Variants in UBAC1 observed in about 807,000 individuals in gnomAD.
The protein encoded by UBAC1 is ubiquitin-associated domain-containing protein 1.
A neutral mutation model predicts 45.9 loss-of-function variants in UBAC1; 27 were observed. The observed-to-expected ratio is 0.59, with a 90% CI of 0.43 to 0.81. UBAC1 has a LOEUF of 0.81. Ranked by LOEUF, UBAC1 falls within the 30% of genes least tolerant of loss-of-function variation. The pLI is 0.00. For missense variants in UBAC1, 529 were observed against 539.2 expected, an observed-to-expected ratio of 0.98 and a Z score of 0.19; for synonymous variants, 227 against 215.5, an observed-to-expected ratio of 1.05 and a Z score of -0.47.
rs1363129081 is a variant in UBAC1, at chr9:135,933,450, G to A, written c.1168C>T (p.Pro390Ser). The change falls in exon 10 of 10, where the codon CCT (proline) becomes TCT (serine). Residue 390 changes from proline to serine, a missense_variant. Pro to Ser is a moderately conservative substitution (Grantham distance 74, BLOSUM62 -1). Transcript: ENST00000371756. Reference sequence around the variant, plus strand: ...ATTCTAGAGATCTGCAGCATGACAGGCCCCGTTTCTGGATCATTCATCCAC... The same window carrying A: ...ATTCTAGAGATCTGCAGCATGACAGACCCCGTTTCTGGATCATTCATCCAC... The part of the protein sequence containing the change: ...TQWMNDPETG[P>S]VMLQISRIFQ... 21 of 1,614,010 alleles carry A rather than the reference G, an allele frequency of 1.3e-5. No homozygotes were observed. Among genetic ancestry groups the A allele is most frequent in the Non-Finnish European group, 1.7e-5 (20 of 1,180,040 alleles).
intron 3 of UBAC1, 51 bp from the exon 4 acceptor site, chr9:135,947,956 AAG>A (rs1220390491): frequency 6.5e-7 from 1 of 1,540,650 alleles, no homozygotes; most frequent in Non-Finnish European, 8.9e-7. Context: ...GAGCAGCAAA[AAG>A]ACGATGACAA....
chr9:135,940,537 G>A (rs1279298608), intron 7 of UBAC1, among the ~76,000 whole-genome samples: 4 of 146,928 alleles, frequency 2.7e-5, no homozygotes, highest in East Asian at 2.0e-4. Flanking sequence ...CCAAGATCGC[G>A]CCACTGCACT....
At chr9:135,936,461 C>T (rs563254336) in intron 9 of UBAC1, among the ~76,000 whole-genome samples, 9 of 151,070 alleles carry the variant, frequency 6.0e-5, no homozygotes, top group South Asian at 4.2e-4. Flanking sequence ...AAAAGGAAAA[C>T]GTGTTTCTGA....
At chr9:135,933,549 C>T (rs772011133) in intron 9 of UBAC1, 34 bp from the exon 10 acceptor site, 27 of 1,524,922 alleles carry the variant, frequency 1.8e-5, no homozygotes, top group East Asian at 2.2e-5. Context: ...TGAGTGCCCA[C>T]GCCCCCACTC....
intron 4 of UBAC1, chr9:135,947,574 T>C (rs1839353118): frequency 2.1e-6 from 1 of 470,752 alleles, no homozygotes; most frequent in Non-Finnish European, 3.7e-6. Context: ...GGGGTATCTA[T>C]CTTTTCAATC....
chr9:135,950,186 C>G (rs893895159), intron 3 of UBAC1, among the ~76,000 whole-genome samples: 1 of 152,252 alleles, frequency 6.6e-6, no homozygotes, highest in Non-Finnish European at 1.5e-5. Flanking sequence ...ACCAGCTGAG[C>G]TCACCCAGCC....
At chr9:135,936,588 C>G (rs973123504) in intron 9 of UBAC1, among the ~76,000 whole-genome samples, 1 of 152,002 alleles carries the variant, frequency 6.6e-6, no homozygotes, top group Non-Finnish European at 1.5e-5. Flanking sequence ...CTCCGCCCCC[C>G]AGGTTTAAGC....
rs1564201186 is a variant in UBAC1, at chr9:135,961,353, A to AGCCGCCGGGGGCGCGCCGTC, written c.-192_-191insGACGGCGCGCCCCCGGCGGC. 7.0e-6 allele frequency: 1 copy of AGCCGCCGGGGGCGCGCCGTC among 143,714 alleles called. No homozygotes were observed. Among genetic ancestry groups the AGCCGCCGGGGGCGCGCCGTC allele is most frequent in the Non-Finnish European group, 1.3e-5 (1 of 77,204 alleles). 8.9% of individuals were successfully genotyped at this position (143,714 alleles called of 1,614,324 possible). ...GCGGTCGCCTCGCTCCCGCCGCCGC[A>AGCCGCCGGGGGCGCGCCGTC]GCAGCCGCCGGGGGCGCGCCGTCGC... On this transcript the variant is annotated 5_prime_UTR_variant, in exon 1 of 10. Coordinates refer to ENST00000371756, the MANE Select transcript of UBAC1 (RefSeq NM_016172.3).
At position 135,945,870 on chromosome 9, in the gene UBAC1, G is replaced by C. The variant is rs940083493; in HGVS notation, c.653+19C>G. On this transcript the variant is annotated intron_variant, in intron 6 of 9. Coordinates refer to ENST00000371756, the MANE Select transcript of UBAC1 (RefSeq NM_016172.3). ...CCCCAGGTGTCTCCGGCAAGGGAAG[G>C]AGGTGGCCCCCCACGCACTGGTTCA... 1 of 1,608,940 alleles carries C rather than the reference G, an allele frequency of 6.2e-7. No homozygotes were observed.
At chr9:135,948,868 G>A (rs1021651073) in intron 3 of UBAC1, among the ~76,000 whole-genome samples, 6 of 152,088 alleles carry the variant, frequency 3.9e-5, no homozygotes, top group Admixed American at 2.0e-4. Flanking sequence ...TCAGGAGTTC[G>A]AGACCAGCAT....
chr9:135,948,579 G>C (rs1839367631), intron 3 of UBAC1, among the ~76,000 whole-genome samples: 1 of 152,250 alleles, frequency 6.6e-6, no homozygotes, highest in African/African-American at 2.4e-5. Flanking sequence ...GCAACTCCCA[G>C]AGAGCTGGGC....
chr9:135,944,091 C>G (rs1839298491), intron 7 of UBAC1, among the ~76,000 whole-genome samples: 2 of 152,204 alleles, frequency 1.3e-5, no homozygotes, highest in South Asian at 4.1e-4. Context: ...TGTAACAAAC[C>G]TGCACATCCT....
chr9:135,938,297 C>A lies in UBAC1; in HGVS notation c.1027G>T (p.Asp343Tyr), dbSNP rs200423294. 1.9e-6 allele frequency: 3 copies of A among 1,614,158 alleles called. No homozygotes were observed. Among genetic ancestry groups the A allele is most frequent in the African/African-American group, 2.7e-5 (2 of 75,062 alleles). Residue 343 changes from aspartate to tyrosine, a missense_variant, in exon 9 of 10, where the codon GAC becomes TAC. By Grantham distance (160) the Asp-to-Tyr change is radical (BLOSUM62 -3). Coordinates refer to ENST00000371756, the MANE Select transcript of UBAC1 (RefSeq NM_016172.3). ...PEELDKGIDP[D>Y]SPLFQAILDN... ...AGGATGGCCTGAAAGAGAGGACTGT[C>A]GGGGTCGATGCCCTTGTCCAGCTCC...
intron 1 of UBAC1, among the ~76,000 whole-genome samples, chr9:135,957,532 G>A (rs138500609): frequency 6.6e-6 from 1 of 151,936 alleles, no homozygotes; most frequent in South Asian, 2.1e-4. Flanking sequence ...CTTTGTTCTC[G>A]GCAGAAGCTG....
At chr9:135,953,819 G>C in intron 2 of UBAC1, 66 bp from the exon 3 acceptor site, 1 of 1,463,974 alleles carries the variant, frequency 6.8e-7, no homozygotes, top group South Asian at 1.2e-5. Context: ...ATGGCATAAA[G>C]GGTGCTGGAT....
chr9:135,937,613 T>C (rs1417571020), intron 9 of UBAC1, among the ~76,000 whole-genome samples: 9 of 151,620 alleles, frequency 5.9e-5, no homozygotes, highest in Admixed American at 5.9e-4. Flanking sequence ...CAGCAGCAAA[T>C]GAGAGATTGT....
In UBAC1 at chr9:135,934,889, A is replaced by AT. The variant is rs1445456255; in HGVS notation, c.1103-1375dup. ...GGAAGGACTTTCCTTTTTGAATTTA[A>AT]TTTTTTTTTGAGACAGCGACTTGCT... On this transcript the variant is annotated intron_variant, in intron 9 of 9. Transcript: ENST00000371756. Among the ~76,000 whole-genome samples the AT allele has an allele frequency of 1.1e-4, 17 of 151,528 alleles. 1 individual carries two copies. In the South Asian group the frequency reaches 2.9e-3, roughly 26 times the overall value.
At position 135,955,318 on chromosome 9, in the gene UBAC1, A is replaced by G; in HGVS notation, c.236T>C (p.Leu79Pro). 11 of 1,596,144 alleles carry G rather than the reference A, an allele frequency of 6.9e-6. No individual in the cohort carries two copies. The highest frequency in any genetic ancestry group is 9.4e-6 in the Non-Finnish European group (11 of 1,174,606). Residue 79 changes from leucine to proline, a missense_variant, in exon 2 of 10, where the codon CTG (leucine) becomes CCG (proline). By Grantham distance (98) the Leu-to-Pro change is moderately conservative (BLOSUM62 -3). Coordinates refer to ENST00000371756, the MANE Select transcript of UBAC1 (RefSeq NM_016172.3). ...ACCTTGGTCCTGGATGTTCTCTTCCAGGATGGTCCTGGCATCACTCAGCAC... is the reference window on the plus strand; with the variant it reads ...ACCTTGGTCCTGGATGTTCTCTTCCGGGATGGTCCTGGCATCACTCAGCAC... ...ERVLSDARTI[L>P]EENIQDQDVL...
chr9:135,942,192 C>T (rs947510287), intron 7 of UBAC1: 6 of 152,316 alleles, frequency 3.9e-5, no homozygotes, highest in East Asian at 1.9e-4. Context: ...CCACAACACA[C>T]GAGAGTGCGA....
Sources: gnomAD v4.1 joint callset for allele counts (sites outside exome capture counted in the v4.1 genomes callset) on GRCh38, gnomAD v4.1.1 for gene constraint, MANE v1.5 for transcripts, NCBI Gene and HGNC (gene_info 2026-07-23, HGNC 2026-07-21) for gene names.